The following XPO5 variants were observed in gnomAD, a reference collection of about 807,000 sequenced individuals.
XPO5 encodes exportin-5.
A neutral mutation model predicts 160.6 loss-of-function variants in XPO5; 46 were observed. That is an observed-to-expected ratio of 0.29 (90% CI 0.23 to 0.37). The LOEUF (loss-of-function observed/expected upper bound fraction) is 0.37. Among genes scored for constraint, XPO5 ranks in the 10% least tolerant of loss-of-function variants. XPO5 has a pLI of 1.00. For missense variants in XPO5, 1,090 were observed against 1,463.9 expected (o/e 0.74, Z 4.17); for synonymous variants, 537 against 519.3 (o/e 1.03, Z -0.46).
chr6:43,530,668 A>G lies in XPO5; in HGVS notation c.2677+20T>C. ...AATTTTCTGACCTTTTGGGTTATGT[A>G]GAGACTTTTGAAAGGATATGAAGCA... On this transcript the variant is annotated intron_variant, in intron 23 of 31. Coordinates refer to ENST00000265351, the MANE Select transcript of XPO5 (RefSeq NM_020750.3). 1.9e-6 allele frequency: 3 copies of G among 1,610,442 alleles called. No individual in the cohort carries two copies. The highest frequency in any genetic ancestry group is 1.3e-5 in the African/African-American group (1 of 74,812).
At chr6:43,542,172 C>CT (rs1401039615) in intron 20 of XPO5, among the ~76,000 whole-genome samples, 1 of 151,742 alleles carries the variant, frequency 6.6e-6, no homozygotes, top group Non-Finnish European at 1.5e-5. Flanking sequence ...TTTTTTTTCT[C>CT]TAAGGAGCTT....
chr6:43,537,140 CTTTT>C (rs70990198), intron 20 of XPO5, among the ~76,000 whole-genome samples: 1 of 137,176 alleles, frequency 7.3e-6, no homozygotes, highest in Non-Finnish European at 1.6e-5. Flanking sequence ...ATAATTAAAA[CTTTT>C]TTTTTTTTTT....
In XPO5 at chr6:43,565,640, T is replaced by C. The variant is rs558394566; in HGVS notation, c.911+20A>G. On this transcript the variant is annotated intron_variant, in intron 8 of 31. Coordinates refer to ENST00000265351, the MANE Select transcript of XPO5 (RefSeq NM_020750.3). The stretch of plus-strand genomic sequence containing the variant: ...ATGACAAAGAAATTAGAAAACACAC[T>C]GAAAAGTAAAGATACTCACTGTGCG... The C allele has an allele frequency of 2.6e-6, 4 of 1,557,044 alleles. No individual in the cohort carries two copies. The highest frequency in any genetic ancestry group is 3.5e-6 in the Non-Finnish European group (4 of 1,155,422).
At chr6:43,560,327 C>T (rs779165461) in intron 10 of XPO5, 24 bp from the exon 11 acceptor site, 8 of 1,574,750 alleles carry the variant, frequency 5.1e-6, no homozygotes, top group South Asian at 2.4e-5. Context: ...AAAAAGAAAA[C>T]GTCAAAGGAT....
chr6:43,554,759 C>T (rs1761953861), intron 13 of XPO5, among the ~76,000 whole-genome samples: 1 of 151,968 alleles, frequency 6.6e-6, no homozygotes, highest in Non-Finnish European at 1.5e-5. Flanking sequence ...TTACATACAG[C>T]GTAGTCCTAT....
At chr6:43,566,760 A>T (rs956161225) in intron 7 of XPO5, 2 of 224,678 alleles carry the variant, frequency 8.9e-6, no homozygotes, top group South Asian at 9.5e-5. Flanking sequence ...CAGTGAGCCA[A>T]CATCACGCCA....
In XPO5 at chr6:43,568,716, A is replaced by C; in HGVS notation, c.643T>G (p.Ser215Ala). 1 of 1,576,476 alleles carries C rather than the reference A, an allele frequency of 6.3e-7. No individual in the cohort carries two copies. The highest frequency in any genetic ancestry group is 8.6e-7 in the Non-Finnish European group (1 of 1,159,356). ...QQVKTDTSQE[S>A]KAQANCRVGV... ...ACTTTATAAAGAGCTCTTACCTTTG[A>C]CTCCTGAGAAGTATCTGTCTTCTGA... The change falls in exon 6 of 32, where the codon TCA becomes GCA. Residue 215 changes from serine (S) to alanine (A), a missense_variant. Around this residue, in one of 3 missense-constraint regions of XPO5, gnomAD observed 110 missense variants for 97.9 expected, o/e 1.12. Transcript: ENST00000265351.
At position 43,575,880 on chromosome 6, in the gene XPO5, C is replaced by T; in HGVS notation, c.-16G>A. 6.2e-7 allele frequency: 1 copy of T among 1,612,948 alleles called. No individual in the cohort carries two copies. The highest frequency in any genetic ancestry group is 8.5e-7 in the Non-Finnish European group (1 of 1,179,344). On this transcript the variant is annotated 5_prime_UTR_variant, in exon 1 of 32. Transcript: ENST00000265351. ...CCATCGCCATGCCTAGCGCCACGCG[C>T]CGAGAGCGCACACCACTGCAGTCCC...
In XPO5 at chr6:43,526,679, A is replaced by T; in HGVS notation, c.2983+6T>A. On this transcript the variant is annotated splice_donor_region_variant and intron_variant, in intron 27 of 31. Transcript: ENST00000265351. ...CAGAACTCCAAGGTCTCACAGGCTCACTTACCGTCTCCATCTGCTGGGGGA... is the reference window on the plus strand; with the variant it reads ...CAGAACTCCAAGGTCTCACAGGCTCTCTTACCGTCTCCATCTGCTGGGGGA... The T allele has an allele frequency of 6.2e-7, 1 of 1,613,868 alleles. No individual in the cohort carries two copies. Among genetic ancestry groups the T allele is most frequent in the Non-Finnish European group, 8.5e-7 (1 of 1,179,820 alleles).
rs1275935866 is a variant in XPO5 at position 43,522,670 on chromosome 6, T to G, written c.*1198A>C. On this transcript the variant is annotated 3_prime_UTR_variant, in exon 32 of 32. Coordinates refer to ENST00000265351, the MANE Select transcript of XPO5 (RefSeq NM_020750.3). Reference sequence around the variant, plus strand: ...GACCCTGCCTGTGGCCCGCACCAGCTAAAAACTGTAGCTTCAGTCCACTTC... The same window carrying G: ...GACCCTGCCTGTGGCCCGCACCAGCGAAAAACTGTAGCTTCAGTCCACTTC... The G allele has an allele frequency of 2.1e-6, 1 of 480,432 alleles. No individual in the cohort carries two copies. The highest frequency in any genetic ancestry group is 2.1e-5 in the Admixed American group (1 of 47,866). 29.8% of individuals were successfully genotyped at this position (480,432 alleles called of 1,614,324 possible).
chr6:43,524,994 C>A lies in XPO5; in HGVS notation c.3175-26G>T, dbSNP rs1292387337. 3.1e-6 allele frequency: 5 copies of A among 1,609,024 alleles called. No homozygotes were observed. The East Asian group carries it at 1.1e-4, about 36-fold the overall frequency. ...CTGGGGAGACAACTGTGCTTTAGGG[C>A]CACAGGGGGCCTCTCTCAAGGCCTC... On this transcript the variant is annotated intron_variant, in intron 29 of 31. Transcript: ENST00000265351.
intron 20 of XPO5, chr6:43,539,247 C>T: frequency 3.7e-6 from 5 of 1,358,900 alleles, no homozygotes; most frequent in Non-Finnish European, 5.2e-6. Context: ...ATGATGGCCC[C>T]ACGGGTGGCG....
chr6:43,539,052 C>T (rs1794526837), intron 20 of XPO5: 8 of 1,540,630 alleles, frequency 5.2e-6, no homozygotes, highest in East Asian at 2.2e-5. Flanking sequence ...TCATCGATAC[C>T]AGCCATCATG....
chr6:43,563,382 G>A (rs1561884126), intron 8 of XPO5, among the ~76,000 whole-genome samples: 1 of 152,098 alleles, frequency 6.6e-6, no homozygotes, highest in Non-Finnish European at 1.5e-5. Context: ...CAATCTTCAC[G>A]GCTTGGCCTC....
At chr6:43,555,599 A>T (rs1762037146) in intron 13 of XPO5, 2 of 331,756 alleles carry the variant, frequency 6.0e-6, no homozygotes, top group Non-Finnish European at 1.1e-5. Context: ...GAAATGGAAA[A>T]TGATGGCAAA....
chr6:43,546,565 A>C lies in XPO5; in HGVS notation c.2342+6T>G, dbSNP rs1332706143. 9 of 1,599,636 alleles carry C rather than the reference A, an allele frequency of 5.6e-6. No individual in the cohort carries two copies. The highest frequency in any genetic ancestry group is 7.7e-6 in the Non-Finnish European group (9 of 1,175,606). On this transcript the variant is annotated splice_donor_region_variant and intron_variant, in intron 20 of 31. Coordinates refer to ENST00000265351, the MANE Select transcript of XPO5 (RefSeq NM_020750.3). Reference sequence around the variant, plus strand: ...ACAACAGAGAAAAGCCATTATTCTGACTCACCTTATAAGCGCAAGCAAATT... The same window carrying C: ...ACAACAGAGAAAAGCCATTATTCTGCCTCACCTTATAAGCGCAAGCAAATT...
At position 43,560,963 on chromosome 6, in the gene XPO5, G is replaced by GT; in HGVS notation, c.1055dup (p.Tyr352Ter). The change falls in exon 10 of 32, where the codon TAC (tyrosine) becomes TAAC (stop). Residue 352 changes from tyrosine (Y) to a stop codon, truncating the protein, a stop_gained and frameshift_variant. Transcript: ENST00000265351. LOFTEE classifies it high-confidence loss of function. Reference protein sequence around the residue: ...DVETPSNFGKYLESFLAFTTH... With the variant: ...DVETPSNFGK ...TTGTGAAAGCAAGAAAAGATTCCAG[G>GT]TATTTTCCAAAGTTTGATGGTGTTT... 1 of 1,613,878 alleles carries GT rather than the reference G, an allele frequency of 6.2e-7. No individual in the cohort carries two copies. The highest frequency in any genetic ancestry group is 8.5e-7 in the Non-Finnish European group (1 of 1,179,848).
At position 43,523,209 on chromosome 6, in the gene XPO5, T is replaced by G. The variant is rs11077; in HGVS notation, c.*659A>C. 78,039 of 170,988 alleles carry G rather than the reference T, an allele frequency of 0.46. 19,258 individuals are homozygous for G. The highest frequency in any genetic ancestry group is 0.63 in the African/African-American group (26,360 of 41,848). The allele number at this position is 170,988 out of a possible 1,614,324, so 10.6% of individuals were successfully genotyped here. ...AAAGGGGATGTTAGCACTAAAGACT[T>G]CCCAGCCCTGGTCCTTGGAGGTACT... On this transcript the variant is annotated 3_prime_UTR_variant, in exon 32 of 32. Coordinates refer to ENST00000265351, the MANE Select transcript of XPO5 (RefSeq NM_020750.3).
chr6:43,525,587 A>G, intron 28 of XPO5: 1 of 532,898 alleles, frequency 1.9e-6, no homozygotes, highest in South Asian at 2.7e-5. Flanking sequence ...TGGCTTGGGG[A>G]GGCTAAACAC....
Sources: allele counts gnomAD v4.1 joint callset (sites outside exome capture counted in the v4.1 genomes callset), GRCh38; gene constraint gnomAD v4.1.1; regional missense constraint gnomAD v4.1.1; transcripts MANE v1.5; gene names NCBI Gene and HGNC (gene_info 2026-07-23, HGNC 2026-07-21).